The following PDE4B variants were observed in gnomAD, a reference collection of about 807,000 sequenced individuals.
The protein encoded by PDE4B is 3',5'-cyclic-AMP phosphodiesterase 4B.
Under a neutral mutation model 82.2 loss-of-function variants are expected in PDE4B, and 20 were observed. That is an observed-to-expected ratio of 0.24 (90% CI 0.17 to 0.35). The LOEUF is 0.35. Ranked by LOEUF, PDE4B falls within the 10% of genes least tolerant of loss-of-function variation. The probability of loss-of-function intolerance (pLI) is 1.00; values close to 1 mark genes in which losing one functional copy is unlikely to be tolerated. For missense variants in PDE4B, 655 were observed against 907.2 expected, an observed-to-expected ratio of 0.72 and a Z score of 3.57; for synonymous variants, 320 against 318.9, an observed-to-expected ratio of 1.00 and a Z score of -0.04.
intron 3 of PDE4B, among the ~76,000 whole-genome samples, chr1:66,139,746 A>C (rs58033459): frequency 0.016 from 2,383 of 149,044 alleles, 73 homozygotes; most frequent in African/African-American, 0.054. Context: ...AAAAAAAAAA[A>C]AAAAAACAAA....
At chr1:66,157,922 T>C (rs570701828) in intron 3 of PDE4B, among the ~76,000 whole-genome samples, 1 of 152,318 alleles carries the variant, frequency 6.6e-6, no homozygotes, top group South Asian at 2.1e-4. Flanking sequence ...TCTAGCATAT[T>C]CTGAGGAAGT....
At chr1:65,914,620 G>GC (rs1388602147) in intron 2 of PDE4B, among the ~76,000 whole-genome samples, 11 of 148,082 alleles carry the variant, frequency 7.4e-5, no homozygotes, top group Non-Finnish European at 1.5e-4. Context: ...AAAAAAAAAG[G>GC]CTTGTGATTG....
intron 3 of PDE4B, among the ~76,000 whole-genome samples, chr1:66,116,615 T>C (rs2101065529): frequency 6.6e-6 from 1 of 152,112 alleles, no homozygotes; most frequent in Middle Eastern, 3.4e-3. Context: ...TATGCTGGAG[T>C]GGCAGTTGCA....
intron 1 of PDE4B, among the ~76,000 whole-genome samples, chr1:65,906,402 A>G (rs920599716): frequency 6.6e-6 from 1 of 152,154 alleles, no homozygotes; most frequent in African/African-American, 2.4e-5. Context: ...ATTTGAATAC[A>G]GGGATTTTTT....
chr1:65,804,316 G>A (rs571856091), intron 1 of PDE4B, among the ~76,000 whole-genome samples: 25 of 152,170 alleles, frequency 1.6e-4, no homozygotes, highest in Non-Finnish European at 2.8e-4. Context: ...TAATGTGTGG[G>A]GTTCCAAGTG....
chr1:66,332,332 C>A, intron 7 of PDE4B, 176 bp from the exon 8 acceptor site: 1 of 1,598,700 alleles, frequency 6.3e-7, no homozygotes, highest in Admixed American at 1.7e-5. Context: ...GGCAGAGCAC[C>A]ACTGTGATTT....
At chr1:66,106,578 T>C (rs1472561851) in intron 3 of PDE4B, among the ~76,000 whole-genome samples, 1 of 150,796 alleles carries the variant, frequency 6.6e-6, no homozygotes, top group Non-Finnish European at 1.5e-5. Flanking sequence ...TGGACTCTTT[T>C]TGGTTGGTAA....
intron 3 of PDE4B, among the ~76,000 whole-genome samples, chr1:66,129,615 C>G (rs373632775): frequency 2.0e-5 from 3 of 147,268 alleles, no homozygotes; most frequent in East Asian, 3.9e-4. Flanking sequence ...AGCCGAGATC[C>G]CGCCACTGCA....
rs1654016960 is a variant in PDE4B at position 66,035,550 on chromosome 1, AGT to A, written c.281+116716_281+116717del. Among the ~76,000 whole-genome samples, 4 of 152,034 alleles carry A rather than the reference AGT, an allele frequency of 2.6e-5. No individual in the cohort carries two copies. In the South Asian group the frequency reaches 6.2e-4, roughly 24 times the overall value. The stretch of plus-strand genomic sequence containing the variant: ...CTACTTCTATGAGTTTAACTTTTTT[AGT>A]TTCCACATATAAGTGAGATTATACA... On this transcript the variant is annotated intron_variant, in intron 3 of 16. Transcript: ENST00000341517.
chr1:66,073,279 G>A (rs1656254635), intron 3 of PDE4B, among the ~76,000 whole-genome samples: 1 of 152,114 alleles, frequency 6.6e-6, no homozygotes, highest in South Asian at 2.1e-4. Context: ...ATCTGTGTTT[G>A]ATTTGAGGCT....
chr1:65,907,950 G>A (rs1019456604), intron 1 of PDE4B, among the ~76,000 whole-genome samples: 26 of 152,180 alleles, frequency 1.7e-4, no homozygotes, highest in Middle Eastern at 3.4e-3. Context: ...GGGTGGTCTC[G>A]TACCTCGCTC....
intron 1 of PDE4B, among the ~76,000 whole-genome samples, chr1:65,812,054 C>A (rs1429368962): frequency 6.6e-6 from 1 of 152,098 alleles, no homozygotes; most frequent in East Asian, 1.9e-4. Flanking sequence ...AGCTTAGTTC[C>A]TTTCATTTCA....
intron 3 of PDE4B, among the ~76,000 whole-genome samples, chr1:66,072,476 GT>G (rs1466852187): frequency 1.3e-5 from 2 of 151,966 alleles, no homozygotes; most frequent in Non-Finnish European, 2.9e-5. Context: ...ACCAATTTTA[GT>G]TTGTAGACTT....
chr1:65,924,007 A>AT (rs554886628), intron 3 of PDE4B, among the ~76,000 whole-genome samples: 137 of 126,228 alleles, frequency 1.1e-3, no homozygotes, highest in African/African-American at 3.9e-3. Flanking sequence ...TTTATTCCAC[A>AT]TTTTTTTCTC....
chr1:66,004,600 A>C (rs775356158), intron 3 of PDE4B, among the ~76,000 whole-genome samples: 2 of 152,180 alleles, frequency 1.3e-5, no homozygotes, highest in Non-Finnish European at 2.9e-5. Context: ...TGAAACTATT[A>C]ATAGATACCA....
At chr1:66,152,596 GTGTGTGTATACACATATATA>G (rs1646420279) in intron 3 of PDE4B, 2 of 209,142 alleles carry the variant, frequency 9.6e-6, no homozygotes, top group Non-Finnish European at 2.1e-5. Context: ...ATATGTGTGT[GTGTGTGTATACACATATATA>G]TATTTATATA....
chr1:66,083,162 G>A (rs182649458), intron 3 of PDE4B, among the ~76,000 whole-genome samples: 347 of 151,982 alleles, frequency 2.3e-3, no homozygotes, highest in Admixed American at 4.2e-3. Flanking sequence ...CTCTGCCTGC[G>A]TGGCCACATT....
chr1:66,299,638 A>G (rs932497014), intron 7 of PDE4B, among the ~76,000 whole-genome samples: 1 of 152,156 alleles, frequency 6.6e-6, no homozygotes, highest in African/African-American at 2.4e-5. Context: ...AAACCTCCAT[A>G]CCGTTTTCCA....
In PDE4B at chr1:66,038,037, G is replaced by A. The variant is rs116246612; in HGVS notation, c.281+119202G>A. On this transcript the variant is annotated intron_variant, in intron 3 of 16. Coordinates refer to ENST00000341517, the MANE Select transcript of PDE4B (RefSeq NM_002600.4). ...TTTGTATAGAGTAAAATTGGGGACA[G>A]TTTTCCATGAGGTCATAAGTACAGG... 6.7e-3 allele frequency among the ~76,000 whole-genome samples: 1,006 copies of A among 150,500 alleles called. 15 individuals carry two copies. Among genetic ancestry groups the A allele is most frequent in the African/African-American group, 0.023 (934 of 39,872 alleles).
Sources: gnomAD v4.1 joint callset for allele counts (sites outside exome capture counted in the v4.1 genomes callset) on GRCh38, gnomAD v4.1.1 for gene constraint, MANE v1.5 for transcripts, NCBI Gene and HGNC (gene_info 2026-07-23, HGNC 2026-07-21) for gene names.